Variants in TMEM131L observed in about 807,000 individuals in gnomAD.
The protein encoded by TMEM131L is transmembrane protein 131-like.
TMEM131L carries 54 observed loss-of-function variants against 192.2 expected under a neutral mutation model. The observed-to-expected ratio is 0.28, with a 90% CI of 0.23 to 0.35. The LOEUF (loss-of-function observed/expected upper bound fraction) is 0.35. TMEM131L is among the 10% of genes least tolerant of loss of function. The pLI, the probability that TMEM131L is intolerant of heterozygous loss-of-function variation, is 1.00. For missense variants in TMEM131L, 1,888 were observed against 1,972.9 expected, an observed-to-expected ratio of 0.96 and a Z score of 0.82; for synonymous variants, 701 against 704.9, an observed-to-expected ratio of 0.99 and a Z score of 0.09.
intron 16 of TMEM131L, 72 bp downstream of exon 16, chr4:153,589,079 G>A (rs969911798): frequency 1.1e-5 from 9 of 807,226 alleles, no homozygotes; most frequent in Admixed American, 9.3e-5. Context: ...CCTTACCTGC[G>A]GGGACACATT....
chr4:153,626,689 C>T (rs1733866971), intron 30 of TMEM131L, among the ~76,000 whole-genome samples: 1 of 152,168 alleles, frequency 6.6e-6, no homozygotes, highest in Non-Finnish European at 1.5e-5. Flanking sequence ...CCCTTGATCC[C>T]AGGAGATCGA....
chr4:153,466,512 C>G lies in TMEM131L; in HGVS notation c.115C>G (p.Gln39Glu). The change falls in exon 1 of 35, where the codon CAG (glutamine) becomes GAG (glutamate). Residue 39 changes from glutamine to glutamate, a missense_variant. Transcript: ENST00000409959. ...LLPCCRPGGAQGQAIEPLPNV... is the reference protein window; with the variant it reads ...LLPCCRPGGAEGQAIEPLPNV... ...GCCCTGCTGTCGCCCGGGAGGGGCT[C>G]AGGGACAAGGTCAGCCTTGCGCCGC... 7.2e-7 allele frequency: 1 copy of G among 1,396,860 alleles called. No homozygotes were observed. Among genetic ancestry groups the G allele is most frequent in the Non-Finnish European group, 9.4e-7 (1 of 1,066,000 alleles). 86.5% of individuals were successfully genotyped at this position (1,396,860 alleles called of 1,614,324 possible).
intron 25 of TMEM131L, among the ~76,000 whole-genome samples, chr4:153,607,192 T>G (rs899581850): frequency 6.6e-6 from 1 of 152,144 alleles, no homozygotes; most frequent in Admixed American, 6.6e-5. Flanking sequence ...AGGAAAGCAT[T>G]GCAATAACTT....
intron 3 of TMEM131L, among the ~76,000 whole-genome samples, 194 bp from the exon 4 acceptor site, chr4:153,549,879 C>T (rs531489191): frequency 4.6e-5 from 7 of 152,280 alleles, no homozygotes; most frequent in Middle Eastern, 3.4e-3. Context: ...TTCTACTAAC[C>T]GTAATCTTAA....
At chr4:153,622,579 G>A (rs559784569) in intron 28 of TMEM131L, among the ~76,000 whole-genome samples, 14 of 152,284 alleles carry the variant, frequency 9.2e-5, no homozygotes, top group African/African-American at 3.4e-4. Flanking sequence ...TGAATCTCTG[G>A]TGCAATAGAG....
intron 2 of TMEM131L, 118 bp from the exon 3 acceptor site, chr4:153,473,727 G>C: frequency 1.4e-6 from 1 of 709,738 alleles, no homozygotes; most frequent in Non-Finnish European, 2.3e-6. Flanking sequence ...AGGAGGCGGA[G>C]GTTGCAGTGA....
At chr4:153,631,498 C>G (rs1734204938) in intron 31 of TMEM131L, among the ~76,000 whole-genome samples, 1 of 152,126 alleles carries the variant, frequency 6.6e-6, no homozygotes, top group South Asian at 2.1e-4. Flanking sequence ...GTGGGTTGTG[C>G]TACAGGAGAA....
At chr4:153,522,544 A>C (rs1384743023) in intron 3 of TMEM131L, among the ~76,000 whole-genome samples, 1 of 151,848 alleles carries the variant, frequency 6.6e-6, no homozygotes, top group Non-Finnish European at 1.5e-5. Flanking sequence ...GCCTCATGCT[A>C]TTTCTGCCAG....
At chr4:153,517,196 TATGAAG>T (rs1331716666) in intron 3 of TMEM131L, among the ~76,000 whole-genome samples, 1 of 152,186 alleles carries the variant, frequency 6.6e-6, no homozygotes, top group East Asian at 1.9e-4. Flanking sequence ...TGCATGTACT[TATGAAG>T]ATGAAGTTGG....
intron 3 of TMEM131L, among the ~76,000 whole-genome samples, chr4:153,533,079 C>T (rs1203268538): frequency 6.6e-6 from 1 of 151,608 alleles, no homozygotes; most frequent in East Asian, 1.9e-4. Context: ...CTCTGTCTCC[C>T]GGGTTCAAGC....
At chr4:153,491,422 T>C (rs1217004234) in intron 3 of TMEM131L, among the ~76,000 whole-genome samples, 1 of 152,180 alleles carries the variant, frequency 6.6e-6, no homozygotes, top group Non-Finnish European at 1.5e-5. Flanking sequence ...GTGTCAGTCA[T>C]ATGAAAGTAA....
intron 7 of TMEM131L, 22 bp downstream of exon 7, chr4:153,558,390 T>G: frequency 7.1e-7 from 1 of 1,417,960 alleles, no homozygotes. Flanking sequence ...AGATTTACTT[T>G]GAATGCTGGT....
chr4:153,504,360 A>C (rs543435977), intron 3 of TMEM131L, among the ~76,000 whole-genome samples: 1 of 119,626 alleles, frequency 8.4e-6, no homozygotes, highest in Non-Finnish European at 1.7e-5. Flanking sequence ...GCTCACTGCA[A>C]CCTCCACCTT....
Position 153,617,286 on chromosome 4 carries a change from G to A in TMEM131L, c.3568-3470G>A, listed in dbSNP as rs138350797. Reference sequence around the variant, plus strand: ...CCTCCCTAGCCACATGGAACTGTGAGTCCAGTAAACCTCTTTCTTTTGTAA... The same window carrying A: ...CCTCCCTAGCCACATGGAACTGTGAATCCAGTAAACCTCTTTCTTTTGTAA... On this transcript the variant is annotated intron_variant, in intron 26 of 34. Transcript: ENST00000409959. Among the ~76,000 whole-genome samples, 1,305 of 152,284 alleles carry A rather than the reference G, an allele frequency of 8.6e-3. 5 individuals carry two copies. Among genetic ancestry groups the A allele is most frequent in the African/African-American group, 0.015 (633 of 41,552 alleles).
chr4:153,583,471 C>A, intron 10 of TMEM131L, 93 bp from the exon 11 acceptor site: 2 of 890,912 alleles, frequency 2.2e-6, no homozygotes, highest in Non-Finnish European at 3.7e-6. Flanking sequence ...CTATGTATGG[C>A]TGGTCTGTGC....
chr4:153,626,488 G>A (rs1358993528), intron 30 of TMEM131L, among the ~76,000 whole-genome samples: 4 of 152,186 alleles, frequency 2.6e-5, no homozygotes, highest in Admixed American at 2.0e-4. Flanking sequence ...AGCCGTGGTG[G>A]TTCACACTTG....
rs1730514784 is a variant in TMEM131L at position 153,583,656 on chromosome 4, T to C, written c.1044T>C (p.Ala348=). 6.3e-7 allele frequency: 1 copy of C among 1,591,410 alleles called. No individual in the cohort carries two copies. Among genetic ancestry groups the C allele is most frequent in the Middle Eastern group, 1.7e-4 (1 of 6,022 alleles). Residue 348 remains alanine, a synonymous_variant, in exon 11 of 35, where the codon GCT becomes GCC. Transcript: ENST00000409959. ...PTSTTNFTKI[A]SFTCKAATSC... is the part of the protein sequence containing the mutation. ...CTACAACAAACTTTACAAAAATTGC[T>C]TCTTTTACCTGCAAAGGTACAGATT...
chr4:153,536,192 G>A (rs140864406), intron 3 of TMEM131L, among the ~76,000 whole-genome samples: 6 of 152,154 alleles, frequency 3.9e-5, no homozygotes, highest in South Asian at 2.1e-4. Context: ...CTGGCCACTG[G>A]GGGGGTTAAC....
rs1734722508 is a variant in TMEM131L, at chr4:153,516,261, G to GT, written c.240-33806dup. Among the ~76,000 whole-genome samples the GT allele has an allele frequency of 1.3e-5, 2 of 151,904 alleles. 1 individual carries two copies. Among genetic ancestry groups the GT allele is most frequent in the Admixed American group, 1.3e-4 (2 of 15,242 alleles). ...CTATAATTTTAAAATCTAATTCTTTGTTTTTTCACCCAGGCTGGATTGCAG... is the reference window on the plus strand; with the variant it reads ...CTATAATTTTAAAATCTAATTCTTTGTTTTTTTCACCCAGGCTGGATTGCAG... On this transcript the variant is annotated intron_variant, in intron 3 of 34. Coordinates refer to ENST00000409959, the MANE Select transcript of TMEM131L (RefSeq NM_001131007.2).
Sources: allele counts gnomAD v4.1 joint callset (sites outside exome capture counted in the v4.1 genomes callset), GRCh38; gene constraint gnomAD v4.1.1; transcripts MANE v1.5; gene names NCBI Gene and HGNC (gene_info 2026-07-23, HGNC 2026-07-21).